Variants in DNAJC7 observed in about 807,000 individuals in gnomAD.
The protein encoded by DNAJC7 is dnaJ homolog subfamily C member 7.
A neutral mutation model predicts 67.4 loss-of-function variants in DNAJC7; 18 were observed. The observed-to-expected ratio is 0.27, with a 90% CI of 0.18 to 0.40. The LOEUF (loss-of-function observed/expected upper bound fraction) is 0.40. Among genes scored for constraint, DNAJC7 ranks in the 10% least tolerant of loss-of-function variants. The pLI, the probability that DNAJC7 is intolerant of heterozygous loss-of-function variation, is 1.00. For synonymous variants in DNAJC7, 220 were observed against 207.8 expected (o/e 1.06, Z -0.50); for missense variants, 419 against 613.8 (o/e 0.68, Z 3.35).
chr17:41,983,561 A>G lies in DNAJC7; in HGVS notation c.1084+2T>C. On this transcript the variant is annotated splice_donor_variant, in intron 10 of 13. Transcript: ENST00000457167. LOFTEE classifies it high-confidence loss of function. Reference sequence around the variant, plus strand: ...CTAAAAAACAAATGCTTTTAAACTTACCTTTTGTTTTCTCTGTCTGGTATA... The same window carrying G: ...CTAAAAAACAAATGCTTTTAAACTTGCCTTTTGTTTTCTCTGTCTGGTATA... 1 of 1,582,250 alleles carries G rather than the reference A, an allele frequency of 6.3e-7. No individual in the cohort carries two copies. Among genetic ancestry groups the G allele is most frequent in the Non-Finnish European group, 8.6e-7 (1 of 1,162,480 alleles).
At chr17:41,981,070 CTG>C (rs1555645905) in intron 12 of DNAJC7, among the ~76,000 whole-genome samples, 2 of 152,084 alleles carry the variant, frequency 1.3e-5, no homozygotes. Flanking sequence ...GAGTCTCACT[CTG>C]TTGCCCAGGC....
chr17:42,017,125 G>T, intron 1 of DNAJC7: 1 of 1,459,700 alleles, frequency 6.9e-7, no homozygotes, highest in Non-Finnish European at 9.0e-7. Context: ...ACAAGGCCAT[G>T]CCTCAGCTCC....
chr17:41,982,450 T>C lies in DNAJC7; in HGVS notation c.1085-49A>G, dbSNP rs782608139. The C allele has an allele frequency of 3.7e-5, 60 of 1,603,834 alleles. No individual in the cohort carries two copies. The Middle Eastern group carries it at 6.7e-4, about 18-fold the overall frequency. On this transcript the variant is annotated intron_variant, in intron 10 of 13. Transcript: ENST00000457167. Reference sequence around the variant, plus strand: ...GTGGACAAATCTGACTCTGGTTTTTTCCTCACCAGGTCTCAGCCCAGCTGC... The same window carrying C: ...GTGGACAAATCTGACTCTGGTTTTTCCCTCACCAGGTCTCAGCCCAGCTGC...
intron 12 of DNAJC7, among the ~76,000 whole-genome samples, chr17:41,980,771 T>C (rs781927648): frequency 6.6e-6 from 1 of 152,202 alleles, no homozygotes; most frequent in Non-Finnish European, 1.5e-5. Flanking sequence ...CTTTATATCA[T>C]GCTAAATCTT....
In DNAJC7 at chr17:42,000,569, C is replaced by T; in HGVS notation, c.79G>A (p.Glu27Lys). Residue 27 changes from glutamate to lysine, a missense_variant and splice_region_variant, in exon 2 of 14, where the codon GAA becomes AAA. Transcript: ENST00000457167. ...ELLDDQEAKREAETFKEQGNA... is the reference protein window; with the variant it reads ...ELLDDQEAKRKAETFKEQGNA... Reference sequence around the variant, plus strand: ...CCTTGTTCCTTGAAAGTCTCTGCTTCCCTGAAAATGAAAGAGAAAGAGAAT... The same window carrying T: ...CCTTGTTCCTTGAAAGTCTCTGCTTTCCTGAAAATGAAAGAGAAAGAGAAT... 6.2e-7 allele frequency: 1 copy of T among 1,603,928 alleles called. No individual in the cohort carries two copies. The highest frequency in any genetic ancestry group is 8.5e-7 in the Non-Finnish European group (1 of 1,174,134).
In DNAJC7 at chr17:42,017,432, A is replaced by G. The variant is rs2052336278; in HGVS notation, c.-16T>C. 6.2e-7 allele frequency: 1 copy of G among 1,604,998 alleles called. No individual in the cohort carries two copies. Among genetic ancestry groups the G allele is most frequent in the Non-Finnish European group, 8.5e-7 (1 of 1,179,814 alleles). ...CAGCCGCCATCTTACCGCCGGGACCAGAGAGCTGGGTGGGAGGCCGGCGGT... is the reference window on the plus strand; with the variant it reads ...CAGCCGCCATCTTACCGCCGGGACCGGAGAGCTGGGTGGGAGGCCGGCGGT... On this transcript the variant is annotated 5_prime_UTR_variant, in exon 1 of 14. Transcript: ENST00000457167.
intron 5 of DNAJC7, among the ~76,000 whole-genome samples, chr17:41,991,051 A>G (rs2051500881): frequency 6.6e-6 from 1 of 152,226 alleles, no homozygotes; most frequent in Non-Finnish European, 1.5e-5. Context: ...GCCAAGGAGC[A>G]ATCACACACA....
chr17:41,995,809 TTC>T (rs1319019801), intron 4 of DNAJC7, among the ~76,000 whole-genome samples: 1 of 152,234 alleles, frequency 6.6e-6, no homozygotes, highest in African/African-American at 2.4e-5. Context: ...TTTACTCAAA[TTC>T]TTTTTTATTT....
chr17:42,003,430 T>A (rs935888686), intron 1 of DNAJC7: 8 of 152,328 alleles, frequency 5.3e-5, no homozygotes, highest in East Asian at 1.9e-4. Context: ...TGAACAAGGC[T>A]GCATCAGGAA....
rs782808555 is a variant in DNAJC7, at chr17:41,997,175, C to T, written c.231G>A (p.Arg77=). 2.5e-6 allele frequency: 4 copies of T among 1,613,984 alleles called. No homozygotes were observed. The highest frequency in any genetic ancestry group is 3.3e-5 in the Admixed American group (2 of 60,028). The change falls in exon 3 of 14, where the codon AGG becomes AGA. Residue 77 remains arginine, a synonymous_variant. Coordinates refer to ENST00000457167, the MANE Select transcript of DNAJC7 (RefSeq NM_003315.4). The part of the protein sequence containing the change: ...NRAATLMMLG[R]FREALGDAQQ... ...GTGCATCTCCAAGAGCTTCCCGGAA[C>T]CTTCCAAGCATCATCAAGGTGGCTG...
At chr17:41,979,318 G>A (rs1555645530) in intron 12 of DNAJC7, among the ~76,000 whole-genome samples, 1 of 151,342 alleles carries the variant, frequency 6.6e-6, no homozygotes, top group African/African-American at 2.4e-5. Context: ...CAGCCTGGGT[G>A]ACAGAGTAAG....
intron 5 of DNAJC7, among the ~76,000 whole-genome samples, chr17:41,990,816 G>A (rs1384244635): frequency 2.0e-5 from 3 of 151,838 alleles, no homozygotes; most frequent in South Asian, 4.2e-4. Context: ...ACAGGCGCCC[G>A]CCACCACGCC....
At chr17:42,008,421 T>G (rs1233972108) in intron 1 of DNAJC7, among the ~76,000 whole-genome samples, 2 of 152,046 alleles carry the variant, frequency 1.3e-5, no homozygotes, top group Non-Finnish European at 2.9e-5. Flanking sequence ...TATAGATTTT[T>G]TTTTTTGAGA....
rs374652405 is a variant in DNAJC7, at chr17:41,989,767, TAAACTAGAACAGGGTTTGGC to T, written c.600-230_600-211del. Among the ~76,000 whole-genome samples the T allele has an allele frequency of 7.1e-3, 1,076 of 152,364 alleles. 14 individuals are homozygous for T. The highest frequency in any genetic ancestry group is 0.025 in the African/African-American group (1,043 of 41,574). On this transcript the variant is annotated intron_variant, in intron 6 of 13. Transcript: ENST00000457167. Reference sequence around the variant, plus strand: ...ACATCTTGTGTCTTACAATCCTTATTAAACTAGAACAGGGTTTGGCAAACTACAGCCCACAGGGCCAAATC... The same window carrying T: ...ACATCTTGTGTCTTACAATCCTTATTAAACTACAGCCCACAGGGCCAAATC...
chr17:41,986,534 T>C (rs1555646876), intron 9 of DNAJC7, among the ~76,000 whole-genome samples: 2 of 150,580 alleles, frequency 1.3e-5, no homozygotes, highest in Non-Finnish European at 3.0e-5. Flanking sequence ...CCCCGCCTTT[T>C]TTTTTTTTTT....
At chr17:41,989,774 G>C (rs1429280821) in intron 6 of DNAJC7, among the ~76,000 whole-genome samples, 1 of 150,046 alleles carries the variant, frequency 6.7e-6, no homozygotes, top group Non-Finnish European at 1.5e-5. Flanking sequence ...TATTAAACTA[G>C]AACAGGGTTT....
intron 1 of DNAJC7, among the ~76,000 whole-genome samples, chr17:42,010,475 A>G (rs2052087993): frequency 6.6e-6 from 1 of 152,146 alleles, no homozygotes; most frequent in Admixed American, 6.6e-5. Context: ...CTGGGCAACA[A>G]GAATGAAACT....
intron 1 of DNAJC7, among the ~76,000 whole-genome samples, chr17:42,008,600 C>T (rs997440406): frequency 1.3e-5 from 2 of 151,884 alleles, no homozygotes; most frequent in African/African-American, 2.4e-5. Context: ...TTAGTAGAGA[C>T]GGGGTTTCAC....
At position 41,989,475 on chromosome 17, in the gene DNAJC7, T is replaced by C; in HGVS notation, c.682A>G (p.Lys228Glu). 6.2e-7 allele frequency: 1 copy of C among 1,614,020 alleles called. No homozygotes were observed. ...GCCTGTACGAAAAACTGAACTGCCTTCTCAATACAATCTTCGTAATAAAGG... is the reference window on the plus strand; with the variant it reads ...GCCTGTACGAAAAACTGAACTGCCTCCTCAATACAATCTTCGTAATAAAGG... ...LCLYYEDCIE[K>E]AVQFFVQALR... Residue 228 changes from lysine (K) to glutamate (E), a missense_variant, in exon 7 of 14, where the codon AAG becomes GAG. Transcript: ENST00000457167.
Sources: allele counts gnomAD v4.1 joint callset (sites outside exome capture counted in the v4.1 genomes callset), GRCh38; gene constraint gnomAD v4.1.1; transcripts MANE v1.5; gene names NCBI Gene and HGNC (gene_info 2026-07-23, HGNC 2026-07-21).